The following XPNPEP1 variants were observed in gnomAD, a reference collection of about 807,000 sequenced individuals.
XPNPEP1 encodes X-prolyl aminopeptidase 1.
In XPNPEP1, 39 loss-of-function variants were observed where a neutral mutation model predicts 92.4. The observed-to-expected ratio is 0.42, with a 90% confidence interval of 0.33 to 0.55. The LOEUF is 0.55. XPNPEP1 is among the 20% of genes least tolerant of loss of function. The pLI, the probability that XPNPEP1 is intolerant of heterozygous loss-of-function variation, is 0.08. For missense variants in XPNPEP1, 654 were observed against 856.1 expected (o/e 0.76, Z 2.95); for synonymous variants, 307 against 299.4 (o/e 1.03, Z -0.26).
intron 15 of XPNPEP1, 98 bp from the exon 16 acceptor site, chr10:109,873,525 T>G: frequency 7.0e-7 from 1 of 1,422,906 alleles, no homozygotes; most frequent in Non-Finnish European, 9.9e-7. Context: ...CCCCATACAA[T>G]GCTGGTGGGC....
In XPNPEP1 at chr10:109,907,875, T is replaced by C. The variant is rs144819963; in HGVS notation, c.122-60A>G. Reference sequence around the variant, plus strand: ...CTGCCCCCAGCAATTCAACGTCCAGTTCGAAGTGGGCCACAGAGAGAAGTG... The same window carrying C: ...CTGCCCCCAGCAATTCAACGTCCAGCTCGAAGTGGGCCACAGAGAGAAGTG... On this transcript the variant is annotated intron_variant, in intron 2 of 20. Coordinates refer to ENST00000502935, the MANE Select transcript of XPNPEP1 (RefSeq NM_020383.4). 6.2e-4 allele frequency: 989 copies of C among 1,601,700 alleles called. 9 individuals carry two copies. In the Middle Eastern group the frequency reaches 8.9e-3, roughly 14 times the overall value.
chr10:109,895,277 T>C (rs984677498), intron 3 of XPNPEP1, among the ~76,000 whole-genome samples: 1 of 152,158 alleles, frequency 6.6e-6, no homozygotes, highest in Non-Finnish European at 1.5e-5. Context: ...GAGAATGCAG[T>C]GCAGGTCTGA....
Position 109,888,494 on chromosome 10 carries a change from C to T in XPNPEP1, c.508+9G>A, listed in dbSNP as rs1263619557. ...CTTACCCAAGCAGAAAGGGACCAAGCTCACTTACCTGTAGGAATGATCAAG... is the reference window on the plus strand; with the variant it reads ...CTTACCCAAGCAGAAAGGGACCAAGTTCACTTACCTGTAGGAATGATCAAG... On this transcript the variant is annotated intron_variant, in intron 6 of 20. Transcript: ENST00000502935. 9.4e-6 allele frequency: 15 copies of T among 1,603,058 alleles called. No individual in the cohort carries two copies. The highest frequency in any genetic ancestry group is 1.3e-5 in the Non-Finnish European group (15 of 1,174,498).
At chr10:109,919,009 C>T (rs949166701) in intron 1 of XPNPEP1, among the ~76,000 whole-genome samples, 6 of 152,168 alleles carry the variant, frequency 3.9e-5, no homozygotes, top group East Asian at 1.9e-4. Context: ...AAATGGATCA[C>T]AGGTATGAAC....
chr10:109,870,092 A>G, intron 18 of XPNPEP1, 63 bp from the exon 19 acceptor site: 1 of 1,564,494 alleles, frequency 6.4e-7, no homozygotes, highest in Non-Finnish European at 8.8e-7. Context: ...ACAGAGAGAA[A>G]CTTTCACTCC....
intron 3 of XPNPEP1, among the ~76,000 whole-genome samples, chr10:109,899,116 T>C (rs1045709480): frequency 1.3e-5 from 2 of 152,216 alleles, no homozygotes; most frequent in Non-Finnish European, 2.9e-5. Flanking sequence ...TATTGGCATT[T>C]TTTTCTCTCC....
At chr10:109,919,379 G>A (rs1850400898) in intron 1 of XPNPEP1, among the ~76,000 whole-genome samples, 1 of 152,196 alleles carries the variant, frequency 6.6e-6, no homozygotes, top group South Asian at 2.1e-4. Flanking sequence ...TACATGAAAA[G>A]ATGCTCATCA....
intron 7 of XPNPEP1, 79 bp from the exon 8 acceptor site, chr10:109,886,420 A>G: frequency 7.6e-7 from 1 of 1,315,478 alleles, no homozygotes; most frequent in Non-Finnish European, 1.1e-6. Flanking sequence ...CCTACCCTAA[A>G]CATCTTTAAT....
chr10:109,908,920 G>C (rs1344653414), intron 2 of XPNPEP1, among the ~76,000 whole-genome samples: 1 of 152,202 alleles, frequency 6.6e-6, no homozygotes, highest in African/African-American at 2.4e-5. Flanking sequence ...CTACCAACCA[G>C]CTGTGCAAGG....
At chr10:109,885,584 G>T (rs1178142366) in intron 8 of XPNPEP1, among the ~76,000 whole-genome samples, 1 of 152,218 alleles carries the variant, frequency 6.6e-6, no homozygotes, top group Non-Finnish European at 1.5e-5. Context: ...GAAGAGAGAG[G>T]ACACTGCAGT....
intron 3 of XPNPEP1, chr10:109,894,031 C>T (rs976846147): frequency 1.3e-5 from 2 of 152,258 alleles, no homozygotes; most frequent in Admixed American, 1.3e-4. Flanking sequence ...AATAGTAGGT[C>T]AGGATCCAAA....
chr10:109,900,651 C>T (rs868187336), intron 3 of XPNPEP1, among the ~76,000 whole-genome samples: 17 of 152,144 alleles, frequency 1.1e-4, no homozygotes, highest in Middle Eastern at 3.2e-3. Flanking sequence ...AGTCCAGGCC[C>T]TCTTTACCCC....
chr10:109,897,160 A>G (rs1227572966), intron 3 of XPNPEP1, among the ~76,000 whole-genome samples: 1 of 152,206 alleles, frequency 6.6e-6, no homozygotes, highest in Non-Finnish European at 1.5e-5. Flanking sequence ...AATATTTCAG[A>G]AGAAGCCAGA....
At chr10:109,871,014 A>G in intron 17 of XPNPEP1, 110 bp from the exon 18 acceptor site, 1 of 1,304,906 alleles carries the variant, frequency 7.7e-7, no homozygotes, top group Non-Finnish European at 1.0e-6. Context: ...AAGTTACTGG[A>G]GGGTTCAGAT....
At chr10:109,911,358 G>A (rs554799397) in intron 2 of XPNPEP1, among the ~76,000 whole-genome samples, 31 of 151,964 alleles carry the variant, frequency 2.0e-4, no homozygotes, top group Non-Finnish European at 3.7e-4. Context: ...TGATCCTCCC[G>A]CCTCAGCTTC....
chr10:109,868,723 A>T lies in XPNPEP1; in HGVS notation c.1774-11T>A. The T allele has an allele frequency of 6.2e-7, 1 of 1,610,110 alleles. No individual in the cohort carries two copies. Among genetic ancestry groups the T allele is most frequent in the Non-Finnish European group, 8.5e-7 (1 of 1,176,410 alleles). The stretch of plus-strand genomic sequence containing the variant: ...GTTATTAAAATTATACTGCGGGAGA[A>T]AGAAGAAAACAGATGCTTTTACTCC... On this transcript the variant is annotated splice_polypyrimidine_tract_variant and intron_variant, in intron 19 of 20. Coordinates refer to ENST00000502935, the MANE Select transcript of XPNPEP1 (RefSeq NM_020383.4).
intron 16 of XPNPEP1, 117 bp from the exon 17 acceptor site, chr10:109,871,978 TG>T: frequency 9.6e-7 from 1 of 1,041,058 alleles, no homozygotes; most frequent in Non-Finnish European, 1.4e-6. Context: ...ATAGAGAAAA[TG>T]TAAGTAAAAA....
chr10:109,881,074 G>A, intron 10 of XPNPEP1, 143 bp from the exon 11 acceptor site: 1 of 712,078 alleles, frequency 1.4e-6, no homozygotes, highest in Non-Finnish European at 2.3e-6. Flanking sequence ...GCTATCCCCT[G>A]GGGCCCCAAC....
chr10:109,913,293 G>A (rs1849981050), intron 2 of XPNPEP1, among the ~76,000 whole-genome samples: 1 of 152,234 alleles, frequency 6.6e-6, no homozygotes, highest in Admixed American at 6.5e-5. Context: ...ATGATAATGT[G>A]TGTGAAAGCA....
Sources: allele counts gnomAD v4.1 joint callset (sites outside exome capture counted in the v4.1 genomes callset), GRCh38; gene constraint gnomAD v4.1.1; transcripts MANE v1.5; gene names NCBI Gene and HGNC (gene_info 2026-07-23, HGNC 2026-07-21).